SLA: variants seen among roughly 807,000 people sequenced by gnomAD.
The protein encoded by SLA is Src like adaptor, also known as src-like-adapter.
Under a neutral mutation model 30.3 loss-of-function variants are expected in SLA, and 16 were observed. The observed-to-expected ratio is 0.53, with a 90% CI of 0.36 to 0.80. The LOEUF (loss-of-function observed/expected upper bound fraction) is 0.80, where lower values mean the gene tolerates loss of function less well. Among genes scored for constraint, SLA ranks in the 30% least tolerant of loss-of-function variants. SLA has a pLI of 0.01. For missense variants in SLA, 310 were observed against 345.2 expected (o/e 0.90, Z 0.81); for synonymous variants, 143 against 137.8 (o/e 1.04, Z -0.26).
At chr8:133,073,788 C>G (rs571076946) in intron 2 of SLA, among the ~76,000 whole-genome samples, 3 of 152,152 alleles carry the variant, frequency 2.0e-5, no homozygotes, top group South Asian at 4.1e-4. Flanking sequence ...TCCCCCAACC[C>G]TTTAGAGCCC....
rs1261196628 is a variant in SLA, at chr8:133,040,107, C to T, written c.508G>A (p.Val170Met). The T allele has an allele frequency of 1.3e-6, 2 of 1,574,558 alleles. No individual in the cohort carries two copies. Among genetic ancestry groups the T allele is most frequent in the Non-Finnish European group, 1.7e-6 (2 of 1,160,238 alleles). ...YSEVADGLCC[V>M]LTTPCLTQST... ...TGTGTCAGGCAGGGCGTGGTGAGCA[C>T]ACAGCACAGGCCATCAGCCACCTCT... The change falls in exon 8 of 9, where the codon GTG (valine) becomes ATG (methionine). Residue 170 changes from valine to methionine, a missense_variant. Coordinates refer to ENST00000338087, the MANE Select transcript of SLA (RefSeq NM_001045556.3).
At chr8:133,050,634 A>C in intron 4 of SLA, 182 bp downstream of exon 4, 1 of 543,292 alleles carries the variant, frequency 1.8e-6, no homozygotes, top group Non-Finnish European at 3.3e-6. Context: ...GGAGCTATGG[A>C]AGGTTCTAGA....
At chr8:133,097,968 C>A (rs1463247769) in intron 1 of SLA, among the ~76,000 whole-genome samples, 2 of 152,148 alleles carry the variant, frequency 1.3e-5, no homozygotes, top group South Asian at 4.1e-4. Flanking sequence ...GTGTGTGTTG[C>A]AAGGGGGGGT....
At chr8:133,045,552 G>A (rs548132306) in intron 6 of SLA, among the ~76,000 whole-genome samples, 2 of 151,952 alleles carry the variant, frequency 1.3e-5, no homozygotes, top group South Asian at 2.1e-4. Context: ...GCGCCACCAC[G>A]CCCAGTTAAT....
chr8:133,055,824 C>CCAGCAGCAGCAGCAGCAG (rs36210010), intron 3 of SLA, among the ~76,000 whole-genome samples: 1 of 150,782 alleles, frequency 6.6e-6, no homozygotes, highest in Non-Finnish European at 1.5e-5. Flanking sequence ...CTCCTCATCA[C>CCAGCAGCAGCAGCAGCAG]CAGCAGCAGC....
chr8:133,083,228 TA>T (rs1377005396), intron 1 of SLA, among the ~76,000 whole-genome samples: 9 of 152,234 alleles, frequency 5.9e-5, no homozygotes, highest in African/African-American at 2.2e-4. Flanking sequence ...TTATAACCTG[TA>T]AAACACTATA....
intron 1 of SLA, among the ~76,000 whole-genome samples, chr8:133,088,797 T>C (rs1243087304): frequency 1.3e-5 from 2 of 152,216 alleles, no homozygotes; most frequent in East Asian, 3.8e-4. Context: ...AGACGAATTG[T>C]ATTAATTACT....
chr8:133,042,597 G>A (rs1838465602), intron 7 of SLA, among the ~76,000 whole-genome samples: 1 of 147,588 alleles, frequency 6.8e-6, no homozygotes, highest in African/African-American at 2.5e-5. Flanking sequence ...TTTGCCTAAA[G>A]GCATCATGAT....
At chr8:133,042,689 T>C (rs1235006791) in intron 7 of SLA, among the ~76,000 whole-genome samples, 10 of 121,960 alleles carry the variant, frequency 8.2e-5, no homozygotes, top group Admixed American at 4.9e-4. Flanking sequence ...TTTTTTTTTT[T>C]TTTTTTTTTT....
At position 133,047,885 on chromosome 8, in the gene SLA, C is replaced by T. The variant is rs1043001803; in HGVS notation, c.297G>A (p.Gln99=). The change falls in exon 6 of 9, where the codon CAG becomes CAA. Residue 99 remains glutamine (Q), a synonymous_variant. Coordinates refer to ENST00000338087, the MANE Select transcript of SLA (RefSeq NM_001045556.3). ...AGGAGCCGACCTTTGTGTCTGGCAG[C>T]TGCAGCAGCTCCTCGGCCTTGTCTC... ...LGRDKAEELL[Q]LPDTKVGSFM... is the part of the protein sequence containing the mutation. 1 of 1,613,272 alleles carries T rather than the reference C, an allele frequency of 6.2e-7. No individual in the cohort carries two copies. The highest frequency in any genetic ancestry group is 8.5e-7 in the Non-Finnish European group (1 of 1,179,550).
intron 8 of SLA, among the ~76,000 whole-genome samples, chr8:133,039,773 G>C (rs1368820671): frequency 6.6e-6 from 1 of 152,184 alleles, no homozygotes; most frequent in African/African-American, 2.4e-5. Flanking sequence ...AGAAACAGGG[G>C]GAGCTGCCAC....
intron 2 of SLA, among the ~76,000 whole-genome samples, chr8:133,065,792 A>G (rs1268466710): frequency 6.6e-6 from 1 of 152,026 alleles, no homozygotes; most frequent in Non-Finnish European, 1.5e-5. Context: ...AAAATAAAAT[A>G]AAATAAAAAA....
At chr8:133,061,462 C>G (rs995593574) in intron 2 of SLA, among the ~76,000 whole-genome samples, 3 of 152,182 alleles carry the variant, frequency 2.0e-5, no homozygotes, top group Non-Finnish European at 4.4e-5. Flanking sequence ...ACTGATTGTC[C>G]TTAATGATAA....
At chr8:133,068,509 T>G (rs920484811) in intron 2 of SLA, among the ~76,000 whole-genome samples, 4 of 152,232 alleles carry the variant, frequency 2.6e-5, no homozygotes, top group Non-Finnish European at 5.9e-5. Context: ...ATTAAGTCAC[T>G]AGACCACTCT....
chr8:133,049,570 A>T, intron 5 of SLA: 1 of 325,682 alleles, frequency 3.1e-6, no homozygotes. Context: ...CAGGATTTGA[A>T]CCTAGACACA....
At chr8:133,043,124 G>A (rs553360895) in intron 7 of SLA, among the ~76,000 whole-genome samples, 21 of 152,282 alleles carry the variant, frequency 1.4e-4, no homozygotes, top group African/African-American at 4.1e-4. Context: ...GTGAACAGAT[G>A]ACTGTAATCC....
At chr8:133,038,808 G>A (rs569406726) in intron 8 of SLA, 71 bp from the exon 9 acceptor site, 21 of 993,180 alleles carry the variant, frequency 2.1e-5, no homozygotes, top group African/African-American at 1.8e-4. Context: ...GGAGATAAAG[G>A]GCAAGAGAAT....
At position 133,047,960 on chromosome 8, in the gene SLA, G is replaced by A. The variant is rs764827128; in HGVS notation, c.249-27C>T. ...TGGGAAGGAGGAAGACAGCCATTAG[G>A]ATCCGGAACAAGCCCTCCCCCAGGA... On this transcript the variant is annotated intron_variant, in intron 5 of 8. Coordinates refer to ENST00000338087, the MANE Select transcript of SLA (RefSeq NM_001045556.3). The A allele has an allele frequency of 1.4e-5, 20 of 1,433,720 alleles. No individual in the cohort carries two copies. The Admixed American group carries it at 2.5e-4, about 18-fold the overall frequency. 88.8% of individuals were successfully genotyped at this position (1,433,720 alleles called of 1,614,324 possible). A position where few individuals can be genotyped will look rare whatever the true frequency, so the allele number is the denominator to read the frequency against.
intron 6 of SLA, among the ~76,000 whole-genome samples, chr8:133,046,890 T>C (rs551317294): frequency 6.6e-6 from 1 of 152,354 alleles, no homozygotes; most frequent in African/African-American, 2.4e-5. Flanking sequence ...ACCAGGTGGC[T>C]TTGGCACTTA....
Sources: allele counts gnomAD v4.1 joint callset (sites outside exome capture counted in the v4.1 genomes callset), GRCh38; gene constraint gnomAD v4.1.1; transcripts MANE v1.5; gene names NCBI Gene and HGNC (gene_info 2026-07-23, HGNC 2026-07-21).